The following SLC25A12 variants were observed in gnomAD, a reference collection of about 807,000 sequenced individuals.
SLC25A12 encodes electrogenic aspartate/glutamate antiporter SLC25A12, mitochondrial.
Under a neutral mutation model 83.3 loss-of-function variants are expected in SLC25A12, and 32 were observed. The observed-to-expected ratio is 0.38, with a 90% CI of 0.29 to 0.52. The LOEUF is 0.52. SLC25A12 is among the 20% of genes least tolerant of loss of function. SLC25A12 has a pLI of 0.84. For missense variants in SLC25A12, 611 were observed against 835.6 expected, an observed-to-expected ratio of 0.73 and a Z score of 3.31; for synonymous variants, 267 against 291.1, an observed-to-expected ratio of 0.92 and a Z score of 0.84.
At chr2:171,798,368 G>C (rs1188196199) in intron 13 of SLC25A12, among the ~76,000 whole-genome samples, 2 of 152,176 alleles carry the variant, frequency 1.3e-5, no homozygotes, top group African/African-American at 4.8e-5. Flanking sequence ...AAAGAGGTTG[G>C]AGGCTGGGCC....
At chr2:171,801,051 G>A (rs1683699913) in intron 13 of SLC25A12, among the ~76,000 whole-genome samples, 1 of 152,114 alleles carries the variant, frequency 6.6e-6, no homozygotes, top group South Asian at 2.1e-4. Flanking sequence ...AACTCATTGA[G>A]CTGAATATCT....
chr2:171,844,432 T>C lies in SLC25A12; in HGVS notation c.402A>G (p.Arg134=). The C allele has an allele frequency of 6.2e-7, 1 of 1,613,618 alleles. No homozygotes were observed. Among genetic ancestry groups the C allele is most frequent in the Admixed American group, 1.7e-5 (1 of 60,002 alleles). Residue 134 remains arginine (R), a synonymous_variant, in exon 5 of 18, where the codon CGA becomes CGG. Transcript: ENST00000422440. ...IPFNWDCEFI[R]LHFGHNRKKH... ...TCTTCCGGTTATGCCCAAAATGCAGTCGGATAAATTCACAATCCCAGTTAA... is the reference window on the plus strand; with the variant it reads ...TCTTCCGGTTATGCCCAAAATGCAGCCGGATAAATTCACAATCCCAGTTAA...
chr2:171,855,553 C>T (rs188542634), intron 4 of SLC25A12, among the ~76,000 whole-genome samples: 2 of 149,798 alleles, frequency 1.3e-5, no homozygotes, highest in Non-Finnish European at 3.0e-5. Flanking sequence ...TTTGCCCAGG[C>T]TGGCCCAGAA....
chr2:171,807,548 T>C (rs1351382687), intron 13 of SLC25A12, among the ~76,000 whole-genome samples: 2 of 152,190 alleles, frequency 1.3e-5, no homozygotes, highest in Admixed American at 6.5e-5. Flanking sequence ...AGAAAGAGCA[T>C]GACTTATATT....
At chr2:171,845,730 T>C (rs1452677213) in intron 4 of SLC25A12, 1 of 440,826 alleles carries the variant, frequency 2.3e-6, no homozygotes, top group Non-Finnish European at 4.6e-6. Flanking sequence ...GTTCTACCAG[T>C]CTAGAGTCAA....
chr2:171,836,981 C>G (rs1470046339), intron 6 of SLC25A12, 140 bp downstream of exon 6: 1 of 739,246 alleles, frequency 1.4e-6, no homozygotes, highest in Admixed American at 2.2e-5. Flanking sequence ...CACACACACA[C>G]ACAAACCTGT....
rs987415248 is a variant in SLC25A12, at chr2:171,860,665, A to T, written c.210-4716T>A. Among the ~76,000 whole-genome samples, 16 of 152,256 alleles carry T rather than the reference A, an allele frequency of 1.1e-4. 1 individual carries two copies. Among genetic ancestry groups the T allele is most frequent in the Admixed American group, 8.5e-4 (13 of 15,276 alleles). On this transcript the variant is annotated intron_variant, in intron 3 of 17. Coordinates refer to ENST00000422440, the MANE Select transcript of SLC25A12 (RefSeq NM_003705.5). The stretch of plus-strand genomic sequence containing the variant: ...AACACTAGTAAATAATGTGCATGCT[A>T]AAATATTTAAGAACTATATCAATGG...
At chr2:171,786,314 G>A (rs1182587699) in intron 17 of SLC25A12, among the ~76,000 whole-genome samples, 1 of 150,584 alleles carries the variant, frequency 6.6e-6, no homozygotes, top group African/African-American at 2.4e-5. Context: ...AACCTGGGAG[G>A]TGGAGGTTGC....
At chr2:171,788,082 A>G (rs1308335443) in intron 15 of SLC25A12, 135 bp from the exon 16 acceptor site, 25 of 821,942 alleles carry the variant, frequency 3.0e-5, no homozygotes, top group Non-Finnish European at 4.0e-5. Context: ...ATGTCTGGCC[A>G]TTAATGGGAA....
At chr2:171,834,108 C>T (rs762758175) in intron 7 of SLC25A12, 52 bp from the exon 8 acceptor site, 4 of 1,004,364 alleles carry the variant, frequency 4.0e-6, no homozygotes, top group Admixed American at 1.7e-5. Context: ...TAATATATAA[C>T]AAAGTTCTAC....
intron 13 of SLC25A12, among the ~76,000 whole-genome samples, chr2:171,794,818 T>C (rs983022971): frequency 2.0e-5 from 3 of 152,202 alleles, no homozygotes; most frequent in South Asian, 2.1e-4. Flanking sequence ...ATTATAATCA[T>C]TGTATATAAT....
Position 171,785,003 on chromosome 2 carries a change from A to G in SLC25A12, c.*271T>C. Reference sequence around the variant, plus strand: ...CAATATGTACAATCACTGTAAGTGCAAGCTGTGCAAAGCAGAGTCTAGAAC... The same window carrying G: ...CAATATGTACAATCACTGTAAGTGCGAGCTGTGCAAAGCAGAGTCTAGAAC... On this transcript the variant is annotated 3_prime_UTR_variant, in exon 18 of 18. Transcript: ENST00000422440. 2.4e-6 allele frequency: 1 copy of G among 416,190 alleles called. No homozygotes were observed. Among genetic ancestry groups the G allele is most frequent in the Non-Finnish European group, 4.5e-6 (1 of 220,030 alleles). 25.8% of individuals were successfully genotyped at this position (416,190 alleles called of 1,614,324 possible).
intron 10 of SLC25A12, among the ~76,000 whole-genome samples, chr2:171,814,151 G>A (rs1264582879): frequency 1.2e-4 from 18 of 151,762 alleles, no homozygotes; most frequent in Non-Finnish European, 2.6e-4. Flanking sequence ...TTCTAAAACT[G>A]AGAGTGAAAA....
intron 2 of SLC25A12, among the ~76,000 whole-genome samples, chr2:171,883,570 A>G (rs1245850137): frequency 6.6e-6 from 1 of 152,052 alleles, no homozygotes; most frequent in African/African-American, 2.4e-5. Context: ...TTGGGAGGCC[A>G]TTTACCCCCA....
intron 2 of SLC25A12, among the ~76,000 whole-genome samples, chr2:171,874,664 T>C (rs931361789): frequency 1.3e-5 from 2 of 152,200 alleles, no homozygotes; most frequent in African/African-American, 4.8e-5. Context: ...ACAAGCGTTC[T>C]GTATGGCATC....
chr2:171,815,912 G>A (rs1475338558), intron 9 of SLC25A12, among the ~76,000 whole-genome samples: 4 of 151,676 alleles, frequency 2.6e-5, no homozygotes, highest in East Asian at 3.9e-4. Flanking sequence ...ATTTGCCAAC[G>A]TCTTAATTAT....
At chr2:171,847,723 GAA>G (rs1684829818) in intron 4 of SLC25A12, among the ~76,000 whole-genome samples, 1 of 152,172 alleles carries the variant, frequency 6.6e-6, no homozygotes, top group Non-Finnish European at 1.5e-5. Flanking sequence ...AGAGAACCAG[GAA>G]TCCATTAGTT....
At chr2:171,847,622 T>C (rs191646330) in intron 4 of SLC25A12, among the ~76,000 whole-genome samples, 1 of 152,310 alleles carries the variant, frequency 6.6e-6, no homozygotes, top group Admixed American at 6.5e-5. Context: ...TTCTGTAGCA[T>C]AGTTCTGGCC....
At chr2:171,836,115 C>G (rs1558925218) in intron 6 of SLC25A12, among the ~76,000 whole-genome samples, 1 of 151,838 alleles carries the variant, frequency 6.6e-6, no homozygotes. Flanking sequence ...TTCCTTCCTT[C>G]TTTCATTTTT....
Sources: gnomAD v4.1 joint callset for allele counts (sites outside exome capture counted in the v4.1 genomes callset) on GRCh38, gnomAD v4.1.1 for gene constraint, MANE v1.5 for transcripts, NCBI Gene and HGNC (gene_info 2026-07-23, HGNC 2026-07-21) for gene names.